ASAH2: variants seen among roughly 807,000 people sequenced by gnomAD.
ASAH2 encodes the protein N-acylsphingosine amidohydrolase 2, also known as neutral ceramidase.
ASAH2 carries 58 observed loss-of-function variants against 82.9 expected under a neutral mutation model. The observed-to-expected ratio is 0.70, with a 90% CI of 0.57 to 0.87. The LOEUF (loss-of-function observed/expected upper bound fraction) is 0.87, where lower values mean the gene tolerates loss of function less well. Ranked by LOEUF, ASAH2 falls within the 40% of genes least tolerant of loss-of-function variation. ASAH2 has a pLI of 0.00. For missense variants in ASAH2, 779 were observed against 834.0 expected, an observed-to-expected ratio of 0.93 and a Z score of 0.81; for synonymous variants, 276 against 289.7, an observed-to-expected ratio of 0.95 and a Z score of 0.48.
At chr10:50,221,721 T>C (rs1009545226) in intron 7 of ASAH2, among the ~76,000 whole-genome samples, 1 of 151,224 alleles carries the variant, frequency 6.6e-6, no homozygotes, top group Non-Finnish European at 1.5e-5. Context: ...GATAGATAGA[T>C]AGATAGATAG....
chr10:50,204,192 G>A (rs964170811), intron 14 of ASAH2, among the ~76,000 whole-genome samples: 24 of 151,754 alleles, frequency 1.6e-4, no homozygotes, highest in African/African-American at 5.8e-4. Context: ...GCAAAGACAT[G>A]TTATTATTTA....
chr10:50,210,772 C>T (rs1845431674), intron 12 of ASAH2, 51 bp downstream of exon 12: 3 of 1,393,354 alleles, frequency 2.2e-6, no homozygotes, highest in Admixed American at 1.7e-5. Context: ...GAGAACAGAA[C>T]CCAGAAGCTT....
At chr10:50,222,485 G>A (rs970814305) in intron 7 of ASAH2, among the ~76,000 whole-genome samples, 2 of 152,042 alleles carry the variant, frequency 1.3e-5, no homozygotes, top group Non-Finnish European at 2.9e-5. Flanking sequence ...TCACTATGTT[G>A]CCCAGGCTGA....
intron 3 of ASAH2, among the ~76,000 whole-genome samples, 189 bp from the exon 4 acceptor site, chr10:50,243,540 T>C (rs933281230): frequency 2.6e-5 from 4 of 152,066 alleles, no homozygotes; most frequent in African/African-American, 9.7e-5. Context: ...CCAAAAAATA[T>C]CATAAAAGAG....
At chr10:50,220,042 G>A (rs1296140510) in intron 7 of ASAH2, among the ~76,000 whole-genome samples, 2 of 152,100 alleles carry the variant, frequency 1.3e-5, no homozygotes, top group Non-Finnish European at 2.9e-5. Flanking sequence ...ACAAAGGACG[G>A]GAACTGCTAT....
intron 14 of ASAH2, among the ~76,000 whole-genome samples, chr10:50,204,182 G>A (rs1845232435): frequency 6.6e-6 from 1 of 151,806 alleles, no homozygotes; most frequent in Non-Finnish European, 1.5e-5. Context: ...AGGGTTTTGA[G>A]CAAAGACATG....
intron 7 of ASAH2, among the ~76,000 whole-genome samples, chr10:50,228,596 AT>A (rs895674466): frequency 1.3e-5 from 2 of 152,164 alleles, no homozygotes; most frequent in Non-Finnish European, 2.9e-5. Flanking sequence ...CACAAATAGG[AT>A]TTTTTTAACT....
In ASAH2 at chr10:50,212,971, C is replaced by CCTTT; in HGVS notation, c.1224_1227dup (p.Glu410LysfsTer41). On this transcript the variant is annotated frameshift_variant and splice_region_variant. Coordinates refer to ENST00000682911, the MANE Select transcript of ASAH2 (RefSeq NM_019893.4). LOFTEE classifies it high-confidence loss of function. The stretch of plus-strand genomic sequence containing the variant: ...TTAAAGGAGCGAGGCCCATGGCTTA[C>CCTTT]CTTTGCTCTCTGATACATGGCCCGT... 6.2e-7 allele frequency: 1 copy of CCTTT among 1,613,304 alleles called. No individual in the cohort carries two copies. Among genetic ancestry groups the CCTTT allele is most frequent in the Non-Finnish European group, 8.5e-7 (1 of 1,179,312 alleles).
intron 8 of ASAH2, among the ~76,000 whole-genome samples, chr10:50,217,269 C>G (rs1446306780): frequency 6.6e-6 from 1 of 151,322 alleles, no homozygotes; most frequent in Non-Finnish European, 1.5e-5. Flanking sequence ...GCACTGTCCC[C>G]CAGGCTGGAG....
At chr10:50,226,521 T>C (rs1284821666) in intron 7 of ASAH2, among the ~76,000 whole-genome samples, 1 of 152,022 alleles carries the variant, frequency 6.6e-6, no homozygotes. Flanking sequence ...ACACCAAGAA[T>C]GAACCCTAAG....
chr10:50,198,100 A>C (rs1233035354), intron 17 of ASAH2, among the ~76,000 whole-genome samples: 2 of 152,090 alleles, frequency 1.3e-5, no homozygotes, highest in Non-Finnish European at 2.9e-5. Flanking sequence ...AGGCATATGA[A>C]ATTTTCAACG....
At position 50,224,360 on chromosome 10, in the gene ASAH2, G is replaced by A. The variant is rs1661744791; in HGVS notation, c.894-5730C>T. Among the ~76,000 whole-genome samples the A allele has an allele frequency of 2.0e-5, 3 of 152,070 alleles. No individual in the cohort carries two copies. In the South Asian group the frequency reaches 6.2e-4, roughly 32 times the overall value. Reference sequence around the variant, plus strand: ...TGATGATAAAGGAAAGAGATACAAAGCTCTGAGCATAAATAAATATATATA... The same window carrying A: ...TGATGATAAAGGAAAGAGATACAAAACTCTGAGCATAAATAAATATATATA... On this transcript the variant is annotated intron_variant, in intron 7 of 20. Coordinates refer to ENST00000682911, the MANE Select transcript of ASAH2 (RefSeq NM_019893.4).
chr10:50,205,928 C>A, intron 13 of ASAH2, 54 bp downstream of exon 13: 1 of 1,329,274 alleles, frequency 7.5e-7, no homozygotes, highest in South Asian at 1.2e-5. Flanking sequence ...TGACAGTTCA[C>A]ATATTTAAAA....
chr10:50,236,547 C>G (rs1480284623), intron 4 of ASAH2, among the ~76,000 whole-genome samples: 8 of 152,066 alleles, frequency 5.3e-5, no homozygotes, highest in African/African-American at 1.9e-4. Context: ...ATATTAACAC[C>G]TCTTTCAAAT....
chr10:50,216,917 G>C (rs1845615662), intron 8 of ASAH2, among the ~76,000 whole-genome samples: 1 of 152,212 alleles, frequency 6.6e-6, no homozygotes, highest in African/African-American at 2.4e-5. Flanking sequence ...AAAATAGTAA[G>C]AGTGAGTTTT....
intron 8 of ASAH2, among the ~76,000 whole-genome samples, chr10:50,215,153 C>T (rs1023451939): frequency 1.3e-5 from 2 of 152,202 alleles, no homozygotes; most frequent in Middle Eastern, 3.2e-3. Context: ...TCCCTATGTC[C>T]TAAATGGTAT....
At chr10:50,247,737 T>C (rs965099865) in intron 2 of ASAH2, among the ~76,000 whole-genome samples, 1 of 152,200 alleles carries the variant, frequency 6.6e-6, no homozygotes, top group African/African-American at 2.4e-5. Context: ...TTAACAGTTA[T>C]GTAACCTAAC....
intron 8 of ASAH2, among the ~76,000 whole-genome samples, chr10:50,215,964 TG>T (rs1299030650): frequency 2.6e-5 from 4 of 152,144 alleles, no homozygotes; most frequent in African/African-American, 9.7e-5. Flanking sequence ...ATATACACCA[TG>T]GAATACTATG....
At chr10:50,195,666 G>C (rs1844956843) in intron 18 of ASAH2, among the ~76,000 whole-genome samples, 1 of 151,788 alleles carries the variant, frequency 6.6e-6, no homozygotes, top group African/African-American at 2.4e-5. Flanking sequence ...TGGATGAATG[G>C]ATAAAGAAAA....
Sources: allele counts gnomAD v4.1 joint callset (sites outside exome capture counted in the v4.1 genomes callset), GRCh38; gene constraint gnomAD v4.1.1; transcripts MANE v1.5; gene names NCBI Gene and HGNC (gene_info 2026-07-23, HGNC 2026-07-21).